Variants in ANK3 observed in about 807,000 individuals in gnomAD.
ANK3 encodes the protein ankyrin 3.
A neutral mutation model predicts 370.9 loss-of-function variants in ANK3; 57 were observed. The ratio of observed to expected loss-of-function variants is 0.15; its 90% confidence interval spans 0.12 to 0.19. The LOEUF (loss-of-function observed/expected upper bound fraction) is 0.19. Among genes scored for constraint, ANK3 ranks in the 10% least tolerant of loss-of-function variants. ANK3 has a pLI of 1.00. For synonymous variants in ANK3, 1,929 were observed against 1,946.3 expected (o/e 0.99, Z 0.23); for missense variants, 4,439 against 5,302.1 (o/e 0.84, Z 5.06).
intron 1 of ANK3, among the ~76,000 whole-genome samples, chr10:60,313,998 C>G (rs190168604): frequency 6.7e-6 from 1 of 148,644 alleles, no homozygotes; most frequent in East Asian, 2.0e-4. Context: ...AGTTTATTCT[C>G]CATCTCCCTG....
intron 8 of ANK3, among the ~76,000 whole-genome samples, chr10:60,220,147 C>A (rs1284897235): frequency 6.6e-6 from 1 of 152,160 alleles, no homozygotes; most frequent in Non-Finnish European, 1.5e-5. Flanking sequence ...ATCACATCCA[C>A]TTTCCACCAC....
intron 1 of ANK3, among the ~76,000 whole-genome samples, chr10:60,637,903 TC>T (rs2078577410): frequency 1.3e-5 from 2 of 152,170 alleles, no homozygotes; most frequent in Admixed American, 1.3e-4. Context: ...TGACTTGTGA[TC>T]CCTAAGTGAA....
intron 4 of ANK3, among the ~76,000 whole-genome samples, chr10:60,270,937 G>C (rs907865931): frequency 6.6e-6 from 1 of 151,940 alleles, no homozygotes; most frequent in African/African-American, 2.4e-5. Flanking sequence ...CATATTACAT[G>C]TACATACATA....
chr10:60,251,463 G>A (rs1357936076), intron 7 of ANK3, among the ~76,000 whole-genome samples: 3 of 152,174 alleles, frequency 2.0e-5, no homozygotes, highest in Non-Finnish European at 4.4e-5. Context: ...TTATTCGTGT[G>A]AGACTGACCC....
intron 1 of ANK3, among the ~76,000 whole-genome samples, chr10:60,380,405 G>A (rs1457120383): frequency 6.6e-6 from 1 of 152,156 alleles, no homozygotes; most frequent in African/African-American, 2.4e-5. Flanking sequence ...GGTGTGAAGA[G>A]TGGTGGAAAA....
At chr10:60,386,359 T>A (rs1180433690) in intron 1 of ANK3, among the ~76,000 whole-genome samples, 1 of 150,808 alleles carries the variant, frequency 6.6e-6, no homozygotes, top group Non-Finnish European at 1.5e-5. Flanking sequence ...CATTCAAACT[T>A]TTTTTTTTCA....
chr10:60,633,652 A>G (rs2078514004), intron 1 of ANK3, among the ~76,000 whole-genome samples: 1 of 152,206 alleles, frequency 6.6e-6, no homozygotes, highest in Non-Finnish European at 1.5e-5. Flanking sequence ...TTTTAAAAAA[A>G]TAGAGCTGGG....
chr10:60,452,098 A>G (rs1841412178), intron 2 of ANK3, among the ~76,000 whole-genome samples: 8 of 152,246 alleles, frequency 5.3e-5, no homozygotes, highest in Admixed American at 4.6e-4. Context: ...TGTTATCTTT[A>G]CATTTCTAGA....
chr10:60,677,928 C>T (rs149459389), intron 1 of ANK3, among the ~76,000 whole-genome samples: 2 of 152,124 alleles, frequency 1.3e-5, no homozygotes, highest in African/African-American at 4.8e-5. Context: ...AGTCCAAATT[C>T]CATCCCAGCT....
chr10:60,216,609 T>G (rs182219941), intron 8 of ANK3, among the ~76,000 whole-genome samples: 21 of 152,348 alleles, frequency 1.4e-4, no homozygotes, highest in Non-Finnish European at 2.6e-4. Flanking sequence ...ATCCCAGGGA[T>G]GAAGCCGATT....
Position 60,616,795 on chromosome 10 carries a change from C to T in ANK3, c.58-1571G>A, listed in dbSNP as rs567876067. Reference sequence around the variant, plus strand: ...AAAAGGTCAAAATCTATAGATTGCTCATCAAAAGAACAATTCACAGTGTAG... The same window carrying T: ...AAAAGGTCAAAATCTATAGATTGCTTATCAAAAGAACAATTCACAGTGTAG... On this transcript the variant is annotated intron_variant, in intron 1 of 43. Transcript: ENST00000373827. Among the ~76,000 whole-genome samples, 43 of 152,274 alleles carry T rather than the reference C, an allele frequency of 2.8e-4. No individual in the cohort carries two copies. In the South Asian group the frequency reaches 8.5e-3, roughly 30 times the overall value.
intron 1 of ANK3, among the ~76,000 whole-genome samples, chr10:60,315,491 T>C (rs1456140589): frequency 1.3e-5 from 2 of 152,068 alleles, no homozygotes; most frequent in Non-Finnish European, 2.9e-5. Flanking sequence ...ATTCAAGCAC[T>C]TATCAACTAA....
intron 1 of ANK3, among the ~76,000 whole-genome samples, chr10:60,376,237 G>T (rs1466056560): frequency 6.6e-6 from 1 of 152,108 alleles, no homozygotes; most frequent in African/African-American, 2.4e-5. Context: ...TAAAAAACAG[G>T]CTGGATAAAG....
chr10:60,203,708 T>C (rs1337959103), intron 11 of ANK3, among the ~76,000 whole-genome samples: 1 of 152,232 alleles, frequency 6.6e-6, no homozygotes, highest in East Asian at 1.9e-4. Context: ...TAGACTAGAC[T>C]TGAATTGCTT....
chr10:60,525,227 A>G lies in ANK3; in HGVS notation c.96+89959T>C, dbSNP rs541681255. Among the ~76,000 whole-genome samples, 6 of 152,180 alleles carry G rather than the reference A, an allele frequency of 3.9e-5. No individual in the cohort carries two copies. The East Asian group carries it at 9.7e-4, about 25-fold the overall frequency. ...GATTCTATTATAAATATAAACATCC[A>G]TCTTGAAAAGAGACAGGATTTTTAA... On this transcript the variant is annotated intron_variant, in intron 2 of 43. Coordinates refer to the ANK3 transcript ENST00000373827.
At chr10:60,441,659 G>A (rs2064302067) in intron 2 of ANK3, among the ~76,000 whole-genome samples, 1 of 152,124 alleles carries the variant, frequency 6.6e-6, no homozygotes, top group South Asian at 2.1e-4. Flanking sequence ...TTTACAGTAA[G>A]TACAATAAGA....
chr10:60,044,319 T>C (rs765908965), intron 42 of ANK3: 65 of 984,270 alleles, frequency 6.6e-5, no homozygotes, highest in Non-Finnish European at 7.8e-5. Flanking sequence ...CTGTGACAGA[T>C]TCACCAGGAA....
chr10:60,293,934 C>A (rs34397303), intron 1 of ANK3, among the ~76,000 whole-genome samples: 2 of 152,030 alleles, frequency 1.3e-5, no homozygotes, highest in Non-Finnish European at 2.9e-5. Flanking sequence ...CAACTGTTTG[C>A]GATTTTTCCA....
rs187786211 is a variant in ANK3 at position 60,593,717 on chromosome 10, G to A, written c.96+21469C>T. On this transcript the variant is annotated intron_variant, in intron 2 of 43. Coordinates refer to the ANK3 transcript ENST00000373827. Reference sequence around the variant, plus strand: ...GTACCAAAGGTAATTTTGATGAAAGGGCTCTAAGAAAAATATCTCCTGTTC... The same window carrying A: ...GTACCAAAGGTAATTTTGATGAAAGAGCTCTAAGAAAAATATCTCCTGTTC... 3.3e-5 allele frequency among the ~76,000 whole-genome samples: 5 copies of A among 152,162 alleles called. 1 individual carries two copies. Among genetic ancestry groups the A allele is most frequent in the African/African-American group, 1.2e-4 (5 of 41,534 alleles).
Sources: allele counts gnomAD v4.1 joint callset (sites outside exome capture counted in the v4.1 genomes callset), GRCh38; gene constraint gnomAD v4.1.1; transcripts MANE v1.5; gene names NCBI Gene and HGNC (gene_info 2026-07-23, HGNC 2026-07-21).